Variants in SLC35D2 observed in about 807,000 individuals in gnomAD.
SLC35D2 encodes the protein solute carrier family 35 member D2, also known as nucleotide sugar transporter SLC35D2.
Under a neutral mutation model 41.8 loss-of-function variants are expected in SLC35D2, and 43 were observed. The ratio of observed to expected loss-of-function variants is 1.03; its 90% CI spans 0.81 to 1.33. SLC35D2 has a LOEUF of 1.33. SLC35D2 is among the 40% of genes most tolerant of loss of function. The pLI, the probability that SLC35D2 is intolerant of heterozygous loss-of-function variation, is 0.00. For missense variants in SLC35D2, 380 were observed against 408.4 expected, an observed-to-expected ratio of 0.93 and a Z score of 0.60; for synonymous variants, 150 against 163.9, an observed-to-expected ratio of 0.92 and a Z score of 0.65.
At chr9:96,378,982 T>G (rs1418475519) in intron 1 of SLC35D2, among the ~76,000 whole-genome samples, 1 of 151,822 alleles carries the variant, frequency 6.6e-6, no homozygotes, top group Non-Finnish European at 1.5e-5. Flanking sequence ...ACAACACTTA[T>G]GAACTTGATC....
At chr9:96,379,539 C>G (rs1157682840) in intron 1 of SLC35D2, among the ~76,000 whole-genome samples, 1 of 152,154 alleles carries the variant, frequency 6.6e-6, no homozygotes, top group East Asian at 1.9e-4. Context: ...GAAAAAGTAT[C>G]CCCTGAGCTA....
At chr9:96,354,465 G>C (rs1325679832) in intron 4 of SLC35D2, among the ~76,000 whole-genome samples, 1 of 152,012 alleles carries the variant, frequency 6.6e-6, no homozygotes, top group African/African-American at 2.4e-5. Flanking sequence ...CTAGCAATGA[G>C]CAATCCAAAA....
chr9:96,330,840 G>C (rs1323160177), intron 9 of SLC35D2, among the ~76,000 whole-genome samples: 3 of 152,142 alleles, frequency 2.0e-5, no homozygotes, highest in East Asian at 1.9e-4. Context: ...TTGCTCACAA[G>C]GAAGTTCCTT....
intron 1 of SLC35D2, among the ~76,000 whole-genome samples, chr9:96,373,709 G>T (rs986996520): frequency 4.0e-5 from 6 of 149,204 alleles, no homozygotes; most frequent in African/African-American, 1.5e-4. Flanking sequence ...AAAACAATTT[G>T]AGCTTCTCTT....
chr9:96,320,442 G>C (rs1478070618), downstream of SLC35D2, among the ~76,000 whole-genome samples: 1 of 151,910 alleles, frequency 6.6e-6, no homozygotes, highest in Non-Finnish European at 1.5e-5. Context: ...CTTGAACCCG[G>C]GTGGCAGAGG....
chr9:96,383,413 GCGCA>G, intron 1 of SLC35D2, 60 bp downstream of exon 1: 1 of 1,372,088 alleles, frequency 7.3e-7, no homozygotes, highest in Non-Finnish European at 9.7e-7. Flanking sequence ...CGCCGCTGAA[GCGCA>G]CGGAGGACAG....
intron 1 of SLC35D2, among the ~76,000 whole-genome samples, chr9:96,374,620 A>T (rs1185481279): frequency 1.3e-5 from 2 of 151,386 alleles, no homozygotes; most frequent in Non-Finnish European, 2.9e-5. Flanking sequence ...GGATCACGAG[A>T]TCAGGAGATG....
chr9:96,364,089 G>C (rs1362410343), intron 3 of SLC35D2, among the ~76,000 whole-genome samples: 3 of 152,220 alleles, frequency 2.0e-5, no homozygotes, highest in Non-Finnish European at 2.9e-5. Flanking sequence ...GCTAAGGTGG[G>C]TGGATCACTT....
At chr9:96,345,236 AT>A (rs1829522182) in intron 7 of SLC35D2, 62 bp downstream of exon 7, 3 of 828,128 alleles carry the variant, frequency 3.6e-6, no homozygotes, top group Non-Finnish European at 6.0e-6. Flanking sequence ...ATTCATTTTC[AT>A]TTTTCATATA....
At chr9:96,358,881 G>C (rs912841955) in intron 4 of SLC35D2, among the ~76,000 whole-genome samples, 1 of 151,886 alleles carries the variant, frequency 6.6e-6, no homozygotes, top group African/African-American at 2.4e-5. Context: ...CAGCTACTTG[G>C]GAGGCAGGAG....
intron 3 of SLC35D2, among the ~76,000 whole-genome samples, chr9:96,363,106 A>T (rs1460835737): frequency 6.6e-6 from 1 of 151,348 alleles, no homozygotes. Flanking sequence ...TGAACTCGTG[A>T]TCTGCCTGCC....
chr9:96,358,078 TTTTATATATATATATATA>T lies in SLC35D2; in HGVS notation c.347+2058_347+2075del, dbSNP rs1231235394. On this transcript the variant is annotated intron_variant, in intron 4 of 11. Coordinates refer to ENST00000253270, the MANE Select transcript of SLC35D2 (RefSeq NM_007001.3). ...AAATGGATAAACAAAATATTATATA[TTTTATATATATATATATA>T]TATATATATATACCTGCAATGGAAT... 1.0e-4 allele frequency among the ~76,000 whole-genome samples: 8 copies of T among 79,252 alleles called. No homozygotes were observed. The South Asian group carries it at 1.0e-3, about 10-fold the overall frequency. The allele number at this position is 79,252 out of a possible 152,430, so 52.0% of individuals were successfully genotyped here.
intron 5 of SLC35D2, 59 bp downstream of exon 5, chr9:96,351,979 G>A: frequency 9.0e-7 from 1 of 1,113,768 alleles, no homozygotes; most frequent in Non-Finnish European, 1.4e-6. Context: ...AATTTGCTGG[G>A]TAAAAGAAAT....
intron 9 of SLC35D2, among the ~76,000 whole-genome samples, chr9:96,334,138 G>C (rs1448345140): frequency 6.6e-6 from 1 of 152,106 alleles, no homozygotes; most frequent in African/African-American, 2.4e-5. Flanking sequence ...CCGGTTTTGT[G>C]GAAGACAATT....
intron 1 of SLC35D2, among the ~76,000 whole-genome samples, chr9:96,372,774 C>G (rs1185247002): frequency 6.7e-6 from 1 of 148,964 alleles, no homozygotes; most frequent in East Asian, 2.0e-4. Flanking sequence ...TTAGTAGAAA[C>G]GGGGTTTCAC....
chr9:96,363,245 C>G (rs1485204121), intron 3 of SLC35D2, among the ~76,000 whole-genome samples: 3 of 151,652 alleles, frequency 2.0e-5, no homozygotes, highest in Non-Finnish European at 4.4e-5. Context: ...AGACGATCCT[C>G]CTGCCTTGAT....
intron 2 of SLC35D2, among the ~76,000 whole-genome samples, chr9:96,368,008 GC>G (rs1830543647): frequency 1.3e-5 from 2 of 152,128 alleles, no homozygotes; most frequent in Admixed American, 1.3e-4. Flanking sequence ...GAGTCTTGCA[GC>G]CCCCTGCTTT....
At chr9:96,359,788 G>A (rs1021812178) in intron 4 of SLC35D2, among the ~76,000 whole-genome samples, 1 of 151,900 alleles carries the variant, frequency 6.6e-6, no homozygotes, top group African/African-American at 2.4e-5. Flanking sequence ...ACCAAACCTG[G>A]TCTACACCAA....
intron 3 of SLC35D2, 27 bp downstream of exon 3, chr9:96,364,437 C>T (rs1455569537): frequency 3.1e-6 from 4 of 1,278,708 alleles, no homozygotes; most frequent in African/African-American, 1.5e-5. Context: ...TCTTCTATCA[C>T]AGTCATACAT....
Sources: allele counts gnomAD v4.1 joint callset (sites outside exome capture counted in the v4.1 genomes callset), GRCh38; gene constraint gnomAD v4.1.1; transcripts MANE v1.5; gene names NCBI Gene and HGNC (gene_info 2026-07-23, HGNC 2026-07-21).